LRRC36: variants seen among roughly 807,000 people sequenced by gnomAD.
LRRC36 encodes the protein leucine-rich repeat-containing protein 36.
LRRC36 carries 62 observed loss-of-function variants against 81.1 expected under a neutral mutation model. The ratio of observed to expected loss-of-function variants is 0.76; its 90% CI spans 0.62 to 0.94. The LOEUF (loss-of-function observed/expected upper bound fraction) is 0.94. LRRC36 is among the 40% of genes least tolerant of loss of function. The pLI, the probability that LRRC36 is intolerant of heterozygous loss-of-function variation, is 0.00. For missense variants in LRRC36, 761 were observed against 881.7 expected, an observed-to-expected ratio of 0.86 and a Z score of 1.73; for synonymous variants, 334 against 348.6, an observed-to-expected ratio of 0.96 and a Z score of 0.47.
At chr16:67,375,615 A>G (rs1412157645) in intron 10 of LRRC36, among the ~76,000 whole-genome samples, 2 of 152,184 alleles carry the variant, frequency 1.3e-5, no homozygotes, top group African/African-American at 4.8e-5. Flanking sequence ...CACCTCTTCT[A>G]ATTATTTTAT....
chr16:67,348,061 A>C (rs914246925), intron 4 of LRRC36, among the ~76,000 whole-genome samples: 21 of 152,336 alleles, frequency 1.4e-4, no homozygotes, highest in African/African-American at 4.3e-4. Flanking sequence ...AAATTTCTGA[A>C]TGGTAGCTTT....
At chr16:67,335,656 A>G (rs2037723314) in intron 1 of LRRC36, among the ~76,000 whole-genome samples, 1 of 152,060 alleles carries the variant, frequency 6.6e-6, no homozygotes, top group Non-Finnish European at 1.5e-5. Context: ...AACCTTCACA[A>G]TTTATGTTCT....
chr16:67,362,266 A>G (rs1408274004), intron 5 of LRRC36: 1 of 444,622 alleles, frequency 2.2e-6, no homozygotes, highest in Non-Finnish European at 4.5e-6. Flanking sequence ...GGGTTCAAGC[A>G]GTTCTCCTGC....
chr16:67,363,214 C>G (rs985910239), intron 5 of LRRC36, among the ~76,000 whole-genome samples: 4 of 152,188 alleles, frequency 2.6e-5, no homozygotes, highest in African/African-American at 9.6e-5. Flanking sequence ...GCATCTCCCC[C>G]TGTAGTTGGA....
At position 67,367,268 on chromosome 16, in the gene LRRC36, T is replaced by G. The variant is rs1233074234; in HGVS notation, c.1006T>G (p.Cys336Gly). Residue 336 changes from cysteine to glycine, a missense_variant, in exon 8 of 14, where the codon TGT (cysteine) becomes GGT (glycine). Cys to Gly is a radical substitution (Grantham distance 159, BLOSUM62 -3). Around this residue, in one of 3 missense-constraint regions of LRRC36, gnomAD observed 139 missense variants for 214.0 expected, o/e 0.65. Coordinates refer to ENST00000329956, the MANE Select transcript of LRRC36 (RefSeq NM_018296.6). ...SDVGLENYDS[C>G]YSQTLSLHGS... Reference sequence around the variant, plus strand: ...TGTTGGTCTGGAAAATTATGACAGTTGTTATTCTCAAACTCTATCCCTGCA... The same window carrying G: ...TGTTGGTCTGGAAAATTATGACAGTGGTTATTCTCAAACTCTATCCCTGCA... 1.2e-6 allele frequency: 2 copies of G among 1,614,194 alleles called. No homozygotes were observed. The highest frequency in any genetic ancestry group is 4.5e-5 in the East Asian group (2 of 44,880).
chr16:67,351,295 AG>A (rs1363077392), intron 5 of LRRC36, among the ~76,000 whole-genome samples: 1 of 152,226 alleles, frequency 6.6e-6, no homozygotes, highest in Non-Finnish European at 1.5e-5. Flanking sequence ...CAATAACTTT[AG>A]TAGATTGACT....
rs1335130750 is a variant in LRRC36 at position 67,367,476 on chromosome 16, T to C, written c.1195+19T>C. On this transcript the variant is annotated intron_variant, in intron 8 of 13. Transcript: ENST00000329956. The stretch of plus-strand genomic sequence containing the variant: ...AGTTCAGGTAACAGCTTCCTGTCAG[T>C]TTACAGGTCTTCTTCATAGGCATGA... 1 of 1,586,228 alleles carries C rather than the reference T, an allele frequency of 6.3e-7. No individual in the cohort carries two copies. The highest frequency in any genetic ancestry group is 1.2e-5 in the South Asian group (1 of 86,702).
Position 67,352,571 on chromosome 16 carries a change from T to G in LRRC36, c.577+2281T>G, listed in dbSNP as rs1370581388. 4.6e-5 allele frequency among the ~76,000 whole-genome samples: 7 copies of G among 152,250 alleles called. No individual in the cohort carries two copies. In the East Asian group the frequency reaches 1.3e-3, roughly 29 times the overall value. On this transcript the variant is annotated intron_variant, in intron 5 of 13. Transcript: ENST00000329956. ...GCGTACCTAGGCTATATCTTTGGGC[T>G]CTCCTGTTTTTTCTCTTTGCCCCTA...
intron 1 of LRRC36, among the ~76,000 whole-genome samples, chr16:67,332,549 G>A (rs575729916): frequency 1.1e-4 from 16 of 151,854 alleles, no homozygotes; most frequent in East Asian, 3.9e-4. Flanking sequence ...GCGAGACTCC[G>A]TCTCAAAAAA....
chr16:67,358,416 C>T (rs1567484746), intron 5 of LRRC36, among the ~76,000 whole-genome samples: 1 of 151,858 alleles, frequency 6.6e-6, no homozygotes, highest in Non-Finnish European at 1.5e-5. Flanking sequence ...AGTCACAGCT[C>T]ACTGCAACCT....
At chr16:67,354,435 G>A (rs1267251684) in intron 5 of LRRC36, among the ~76,000 whole-genome samples, 2 of 151,996 alleles carry the variant, frequency 1.3e-5, no homozygotes, top group South Asian at 2.1e-4. Context: ...GTACCACCAC[G>A]CCTGGTTAAT....
chr16:67,378,753 C>A (rs773790454), intron 12 of LRRC36, 41 bp downstream of exon 12: 2 of 1,604,536 alleles, frequency 1.2e-6, no homozygotes, highest in East Asian at 2.2e-5. Context: ...CCTCTCAAGA[C>A]AACTGTTTGT....
intron 5 of LRRC36, among the ~76,000 whole-genome samples, chr16:67,351,010 C>A (rs1597454919): frequency 6.6e-6 from 1 of 152,056 alleles, no homozygotes; most frequent in African/African-American, 2.4e-5. Context: ...TGCACTCCAG[C>A]CTAGGCAACA....
intron 5 of LRRC36, among the ~76,000 whole-genome samples, chr16:67,362,963 A>T (rs1240956050): frequency 6.6e-6 from 1 of 152,110 alleles, no homozygotes; most frequent in Non-Finnish European, 1.5e-5. Context: ...TTGTATTTTT[A>T]GTAGAGACAG....
At chr16:67,342,705 T>C (rs2038151141) in intron 2 of LRRC36, among the ~76,000 whole-genome samples, 1 of 152,172 alleles carries the variant, frequency 6.6e-6, no homozygotes. Context: ...GAGTTTTGTT[T>C]TCTTTGTGGT....
At chr16:67,347,210 C>G in intron 3 of LRRC36, 1 of 342,174 alleles carries the variant, frequency 2.9e-6, no homozygotes, top group South Asian at 3.2e-5. Context: ...AATGGTATGA[C>G]TTTCAGCCCT....
chr16:67,347,243 T>C (rs933576512), intron 3 of LRRC36: 32 of 455,432 alleles, frequency 7.0e-5, no homozygotes, highest in Non-Finnish European at 1.1e-4. Flanking sequence ...TTGAATTGTT[T>C]ACTGTCCAAG....
Position 67,367,462 on chromosome 16 carries a change from C to T in LRRC36, c.1195+5C>T. ...GGCTTTTGAAGCTTAGTTCAGGTAA[C>T]AGCTTCCTGTCAGTTTACAGGTCTT... On this transcript the variant is annotated splice_donor_5th_base_variant and intron_variant, in intron 8 of 13. Transcript: ENST00000329956. 5 of 1,603,966 alleles carry T rather than the reference C, an allele frequency of 3.1e-6. No individual in the cohort carries two copies. Among genetic ancestry groups the T allele is most frequent in the Non-Finnish European group, 2.6e-6 (3 of 1,175,440 alleles).
intron 5 of LRRC36, among the ~76,000 whole-genome samples, chr16:67,352,808 G>T (rs901268001): frequency 1.3e-5 from 2 of 151,792 alleles, no homozygotes; most frequent in African/African-American, 2.4e-5. Context: ...CTCCTGAGTA[G>T]CTGGGACTAC....
Sources: allele counts gnomAD v4.1 joint callset (sites outside exome capture counted in the v4.1 genomes callset), GRCh38; gene constraint gnomAD v4.1.1; regional missense constraint gnomAD v4.1.1; transcripts MANE v1.5; gene names NCBI Gene and HGNC (gene_info 2026-07-23, HGNC 2026-07-21).